The following SFSWAP variants were observed in gnomAD, a reference collection of about 807,000 sequenced individuals.
SFSWAP encodes the protein splicing factor, suppressor of white-apricot homolog.
A neutral mutation model predicts 100.7 loss-of-function variants in SFSWAP; 17 were observed. That is an observed-to-expected ratio of 0.17 (90% CI 0.12 to 0.25). SFSWAP has a LOEUF of 0.25. Ranked by LOEUF, SFSWAP falls within the 10% of genes least tolerant of loss-of-function variation. SFSWAP has a pLI of 1.00. For missense variants in SFSWAP, 1,005 were observed against 1,262.6 expected, an observed-to-expected ratio of 0.80 and a Z score of 3.09; for synonymous variants, 504 against 510.1, an observed-to-expected ratio of 0.99 and a Z score of 0.16.
chr12:131,776,760 T>A (rs2136253338), intron 13 of SFSWAP, among the ~76,000 whole-genome samples: 1 of 152,354 alleles, frequency 6.6e-6, no homozygotes, highest in Non-Finnish European at 1.5e-5. Context: ...GCACAAAGGA[T>A]AAATTGCAGA....
chr12:131,784,313 C>T (rs552037724), intron 14 of SFSWAP: 1 of 152,118 alleles, frequency 6.6e-6, no homozygotes, highest in African/African-American at 2.4e-5. Context: ...GCTGGTAGAG[C>T]CCAGACCTTG....
At chr12:131,754,548 G>T in intron 9 of SFSWAP, 49 bp downstream of exon 9, 2 of 1,291,038 alleles carry the variant, frequency 1.5e-6, no homozygotes, top group Admixed American at 3.0e-5. Flanking sequence ...TGGGGGTTTC[G>T]TTTAGCCTTT....
rs1471747520 is a variant in SFSWAP, at chr12:131,756,717, C to CT, written c.1720+73_1720+74insT. On this transcript the variant is annotated intron_variant, in intron 11 of 17. Coordinates refer to ENST00000261674, the MANE Select transcript of SFSWAP (RefSeq NM_004592.4). ...GCAAGCGTAGGATCCTCGGTGACCT[C>CT]AGACTCAGCGCCCTCACCTGCAGGC... The CT allele has an allele frequency of 3.7e-6, 5 of 1,359,668 alleles. No homozygotes were observed. In the African/African-American group the frequency reaches 7.4e-5, roughly 20 times the overall value. The allele number at this position is 1,359,668 out of a possible 1,614,324, so 84.2% of individuals were successfully genotyped here.
In SFSWAP at chr12:131,778,001, A is replaced by T; in HGVS notation, c.2143-64A>T. On this transcript the variant is annotated intron_variant, in intron 13 of 17. Transcript: ENST00000261674. This position sits in a 1 kb window ranked among gnomAD's most constrained non-coding sequence, Gnocchi z 4.2. ...GTGAGGGGCCCAAAGTTGAAATTTT[A>T]TAGATATACATCTTCAATGTTCTGT... 8 of 1,552,972 alleles carry T rather than the reference A, an allele frequency of 5.2e-6. No individual in the cohort carries two copies. Among genetic ancestry groups the T allele is most frequent in the Non-Finnish European group, 6.1e-6 (7 of 1,156,702 alleles).
chr12:131,792,962 G>A (rs1885378312), intron 15 of SFSWAP, among the ~76,000 whole-genome samples: 1 of 152,176 alleles, frequency 6.6e-6, no homozygotes, highest in Admixed American at 6.5e-5. Flanking sequence ...AGGCAGTGTG[G>A]TGTCAGCATG....
chr12:131,793,280 C>T (rs1370299658), intron 15 of SFSWAP, among the ~76,000 whole-genome samples: 8 of 151,854 alleles, frequency 5.3e-5, no homozygotes, highest in African/African-American at 1.9e-4. Context: ...GACAGGGTCT[C>T]GCTATGTTGC....
chr12:131,746,737 C>T (rs572473073), intron 7 of SFSWAP, among the ~76,000 whole-genome samples: 24 of 152,268 alleles, frequency 1.6e-4, no homozygotes, highest in African/African-American at 4.3e-4. Flanking sequence ...CCTAGAATTG[C>T]GGGGTGGGTA....
intron 13 of SFSWAP, 119 bp from the exon 14 acceptor site, chr12:131,777,939 GGAGACTT>G: frequency 6.9e-7 from 1 of 1,453,902 alleles, no homozygotes; most frequent in Non-Finnish European, 9.1e-7. Context: ...AGCCACAGGA[GGAGACTT>G]TCTAAGAGAT....
At chr12:131,763,193 A>G (rs1882821354) in intron 11 of SFSWAP, among the ~76,000 whole-genome samples, 1 of 152,138 alleles carries the variant, frequency 6.6e-6, no homozygotes. Flanking sequence ...GCTAAAGCGG[A>G]AGGACCTCCG....
At chr12:131,745,719 T>G (rs1438954397) in intron 7 of SFSWAP, among the ~76,000 whole-genome samples, 1 of 150,750 alleles carries the variant, frequency 6.6e-6, no homozygotes, top group Non-Finnish European at 1.5e-5. Context: ...TTCAGGGATC[T>G]GCATCTTCAG....
chr12:131,728,463 C>T (rs764404750), intron 7 of SFSWAP, 35 bp downstream of exon 7: 48 of 1,599,448 alleles, frequency 3.0e-5, no homozygotes, highest in Non-Finnish European at 4.1e-5. Context: ...GACCTGTGTT[C>T]AGCTGCCTGT....
intron 4 of SFSWAP, among the ~76,000 whole-genome samples, chr12:131,721,302 C>G (rs573563969): frequency 2.1e-4 from 32 of 152,300 alleles, no homozygotes; most frequent in African/African-American, 7.7e-4. Context: ...TATATTACTA[C>G]ATATGTTTGT....
chr12:131,754,068 C>T (rs1881914218), intron 8 of SFSWAP, among the ~76,000 whole-genome samples: 1 of 152,158 alleles, frequency 6.6e-6, no homozygotes, highest in Admixed American at 6.5e-5. Flanking sequence ...ACAACAACAA[C>T]AAACTGCTTA....
intron 1 of SFSWAP, chr12:131,713,114 G>T (rs1877539342): frequency 6.6e-6 from 1 of 151,970 alleles, no homozygotes; most frequent in Admixed American, 6.5e-5. Context: ...CATTACAAAA[G>T]TCAGCATTAA....
At chr12:131,770,275 C>G (rs1417400028) in intron 13 of SFSWAP, among the ~76,000 whole-genome samples, 1 of 152,192 alleles carries the variant, frequency 6.6e-6, no homozygotes, top group Non-Finnish European at 1.5e-5. Flanking sequence ...GACAAGACCA[C>G]ATTCGGCCAC....
Position 131,769,754 on chromosome 12 carries a change from G to C in SFSWAP, c.2142+3446G>C, listed in dbSNP as rs551269030. On this transcript the variant is annotated intron_variant, in intron 13 of 17. Transcript: ENST00000261674. ...CCATTCTCCTGCCTCAGCCTCCCGA[G>C]TAGCTGGGACTACAGGCACCCGCCA... Among the ~76,000 whole-genome samples, 287 of 152,282 alleles carry C rather than the reference G, an allele frequency of 1.9e-3. 4 individuals are homozygous for C. The highest frequency in any genetic ancestry group is 6.6e-3 in the African/African-American group (276 of 41,560).
Position 131,778,309 on chromosome 12 carries a change from A to G in SFSWAP, c.2387A>G (p.Tyr796Cys). Residue 796 changes from tyrosine (Y) to cysteine (C), a missense_variant, in exon 14 of 18, where the codon TAT (tyrosine) becomes TGT (cysteine). This residue lies in a region of SFSWAP where 295 missense variants were observed against 347.9 expected (regional missense o/e 0.85). Transcript: ENST00000261674. The surrounding 1 kb of genome is among the most constrained non-coding windows in gnomAD (Gnocchi z 4.2). ...GCAAAGCATTCTCTTCCCAGTGCCT[A>G]TCGGACAGTGCGGCGGTCGAGGTGG... ...SKAKHSLPSAYRTVRRSRSRS... is the reference protein window; with the variant it reads ...SKAKHSLPSACRTVRRSRSRS... The G allele has an allele frequency of 6.2e-7, 1 of 1,613,920 alleles. No homozygotes were observed. The highest frequency in any genetic ancestry group is 8.5e-7 in the Non-Finnish European group (1 of 1,179,892).
intron 7 of SFSWAP, among the ~76,000 whole-genome samples, chr12:131,740,127 G>A (rs1260407430): frequency 6.6e-6 from 1 of 152,134 alleles, no homozygotes; most frequent in Non-Finnish European, 1.5e-5. Context: ...TCCACTGCAG[G>A]GTGGCCCGGG....
intron 4 of SFSWAP, among the ~76,000 whole-genome samples, chr12:131,723,559 A>G (rs563751274): frequency 3.3e-5 from 5 of 152,122 alleles, no homozygotes; most frequent in Non-Finnish European, 5.9e-5. Flanking sequence ...CAAAGCAGGT[A>G]TTTGATTTTT....
Sources: allele counts gnomAD v4.1 joint callset (sites outside exome capture counted in the v4.1 genomes callset), GRCh38; gene constraint gnomAD v4.1.1; regional missense constraint gnomAD v4.1.1; non-coding constraint Gnocchi (gnomAD v3.1); transcripts MANE v1.5; gene names NCBI Gene and HGNC (gene_info 2026-07-23, HGNC 2026-07-21).